Variants in USP28 observed in about 807,000 individuals in gnomAD.
The protein encoded by USP28 is ubiquitin carboxyl-terminal hydrolase 28.
A neutral mutation model predicts 145.0 loss-of-function variants in USP28; 113 were observed. The observed-to-expected ratio is 0.78, with a 90% CI of 0.67 to 0.91. The LOEUF is 0.91. USP28 is among the 40% of genes least tolerant of loss of function. The pLI is 0.00. For synonymous variants in USP28, 447 were observed against 450.9 expected (o/e 0.99, Z 0.11); for missense variants, 1,201 against 1,289.6 (o/e 0.93, Z 1.05).
intron 1 of USP28, among the ~76,000 whole-genome samples, chr11:113,860,885 G>A (rs896879234): frequency 8.6e-5 from 13 of 151,230 alleles, no homozygotes; most frequent in African/African-American, 1.2e-4. Context: ...TTGGGAGGCC[G>A]AGGCAGGCAG....
intron 10 of USP28, among the ~76,000 whole-genome samples, chr11:113,828,365 C>G (rs903969734): frequency 2.0e-4 from 31 of 152,244 alleles, no homozygotes; most frequent in African/African-American, 7.5e-4. Flanking sequence ...CAGGTTTGCA[C>G]AGATGGTACA....
At chr11:113,802,367 T>C (rs1008287074) in intron 23 of USP28, among the ~76,000 whole-genome samples, 1 of 152,206 alleles carries the variant, frequency 6.6e-6, no homozygotes, top group Admixed American at 6.5e-5. Context: ...ATAAAGCTAT[T>C]GAGTATATGT....
intron 4 of USP28, 45 bp downstream of exon 4, chr11:113,841,618 T>A: frequency 7.6e-7 from 1 of 1,314,048 alleles, no homozygotes; most frequent in Non-Finnish European, 1.1e-6. Context: ...GCCTTTGAGA[T>A]ACACACAAAT....
chr11:113,848,494 T>G (rs530498674), intron 3 of USP28, among the ~76,000 whole-genome samples: 1 of 152,058 alleles, frequency 6.6e-6, no homozygotes, highest in Non-Finnish European at 1.5e-5. Context: ...GGGTGTGGAG[T>G]AGAAACCTTT....
At chr11:113,868,062 C>CCAT (rs1018428046) in intron 1 of USP28, among the ~76,000 whole-genome samples, 24 of 152,102 alleles carry the variant, frequency 1.6e-4, no homozygotes, top group African/African-American at 5.8e-4. Context: ...GGAAATAGTG[C>CCAT]CATGCAGCCC....
chr11:113,799,317 A>T (rs889158434), exon 25 of USP28: 1 of 1,614,172 alleles, frequency 6.2e-7, no homozygotes, highest in Non-Finnish European at 8.5e-7. Flanking sequence ...TCATAGGGAG[A>T]ATTGGGTCGA....
intron 1 of USP28, among the ~76,000 whole-genome samples, chr11:113,866,692 C>T (rs993578772): frequency 2.6e-5 from 4 of 152,156 alleles, no homozygotes; most frequent in Admixed American, 2.0e-4. Flanking sequence ...TTGTGTATTG[C>T]TGGTGGGAAT....
chr11:113,806,397 C>G (rs1171006612), intron 19 of USP28, 92 bp downstream of exon 20: 1 of 1,103,968 alleles, frequency 9.1e-7, no homozygotes, highest in African/African-American at 1.6e-5. Flanking sequence ...CCACACCCAG[C>G]CTTAACCCCA....
chr11:113,815,161 TAAA>T lies in USP28; in HGVS notation c.1672+10_1672+12del. The T allele has an allele frequency of 6.2e-7, 1 of 1,608,708 alleles. No homozygotes were observed. The highest frequency in any genetic ancestry group is 1.1e-5 in the South Asian group (1 of 90,290). On this transcript the variant is annotated intron_variant, in intron 14 of 24. Coordinates refer to ENST00000003302, the Ensembl canonical transcript of USP28. ...AAAGCAAAGAGTAACTGACAAATTT[TAAA>T]AGAGCCAACCTTGTATATCTTGTTC... is the stretch of plus-strand genomic sequence containing the variant.
At chr11:113,801,723 A>G (rs766347288) in intron 23 of USP28, 45 bp from the exon 25 acceptor site, 2 of 1,484,414 alleles carry the variant, frequency 1.3e-6, no homozygotes, top group African/African-American at 2.8e-5. Flanking sequence ...TCTGAAAAAG[A>G]TAAATATCTC....
At chr11:113,845,198 G>C (rs191811600) in intron 3 of USP28, among the ~76,000 whole-genome samples, 1 of 150,570 alleles carries the variant, frequency 6.6e-6, no homozygotes, top group East Asian at 2.0e-4. Context: ...CAGCACTCAG[G>C]GAGGCCAAGG....
intron 1 of USP28, chr11:113,859,215 A>T (rs2136725609): frequency 6.6e-6 from 1 of 152,242 alleles, no homozygotes; most frequent in Admixed American, 6.5e-5. Context: ...CATGCATGTA[A>T]TCCTAATAAC....
At chr11:113,833,995 A>AC (rs1453334146) in intron 6 of USP28, among the ~76,000 whole-genome samples, 2 of 152,198 alleles carry the variant, frequency 1.3e-5, no homozygotes, top group Non-Finnish European at 2.9e-5. Flanking sequence ...TACAACAAAC[A>AC]CAACAGGTAT....
intron 3 of USP28, among the ~76,000 whole-genome samples, chr11:113,850,432 A>C (rs575037374): frequency 1.8e-4 from 27 of 152,362 alleles, no homozygotes; most frequent in South Asian, 8.3e-4. Context: ...AATGAACTAC[A>C]GTTATAATCC....
intron 23 of USP28, 36 bp from the exon 25 acceptor site, chr11:113,801,714 C>G (rs764761382): frequency 4.6e-6 from 7 of 1,509,226 alleles, no homozygotes; most frequent in Middle Eastern, 1.8e-4. Flanking sequence ...GGGGAAGAGT[C>G]TGAAAAAGAT....
chr11:113,845,076 C>T (rs1945666241), intron 3 of USP28, among the ~76,000 whole-genome samples: 1 of 146,622 alleles, frequency 6.8e-6, no homozygotes, highest in Admixed American at 6.8e-5. Flanking sequence ...GCCCTGTTTG[C>T]ACAACTGCAC....
intron 13 of USP28, 37 bp from the exon 14 acceptor site, chr11:113,815,419 C>T: frequency 6.3e-7 from 1 of 1,583,404 alleles, no homozygotes. Context: ...ATGATAATTT[C>T]CAAAAGATAC....
At chr11:113,861,935 A>C (rs772904112) in intron 1 of USP28, among the ~76,000 whole-genome samples, 5 of 152,254 alleles carry the variant, frequency 3.3e-5, no homozygotes, top group Non-Finnish European at 7.3e-5. Flanking sequence ...AACTGGGAAA[A>C]TATCAGGGAA....
At chr11:113,826,336 C>CT (rs1565394775) in intron 11 of USP28, among the ~76,000 whole-genome samples, 9 of 115,184 alleles carry the variant, frequency 7.8e-5, no homozygotes, top group African/African-American at 2.8e-4. Flanking sequence ...CCACCACACC[C>CT]ATTTTTTTTT....
Sources: gnomAD v4.1 joint callset for allele counts (sites outside exome capture counted in the v4.1 genomes callset) on GRCh38, gnomAD v4.1.1 for gene constraint, MANE v1.5 for transcripts, NCBI Gene and HGNC (gene_info 2026-07-23, HGNC 2026-07-21) for gene names.